CACHD1: variants seen among roughly 807,000 people sequenced by gnomAD.
CACHD1 encodes the protein VWFA and cache domain-containing protein 1.
A neutral mutation model predicts 138.7 loss-of-function variants in CACHD1; 71 were observed. That is an observed-to-expected ratio of 0.51 (90% CI 0.42 to 0.62). The LOEUF (loss-of-function observed/expected upper bound fraction) is 0.62. Ranked by LOEUF, CACHD1 falls within the 20% of genes least tolerant of loss-of-function variation. The probability of loss-of-function intolerance (pLI) is 0.00; values close to 1 mark genes in which losing one functional copy is unlikely to be tolerated. For synonymous variants in CACHD1, 578 were observed against 591.5 expected (o/e 0.98, Z 0.33); for missense variants, 1,389 against 1,625.3 (o/e 0.85, Z 2.50).
intron 4 of CACHD1, among the ~76,000 whole-genome samples, chr1:64,608,390 C>T (rs1392104034): frequency 6.6e-6 from 1 of 152,188 alleles, no homozygotes; most frequent in East Asian, 1.9e-4. Flanking sequence ...TAGGTTATCA[C>T]ATGTCTGATA....
At chr1:64,677,179 C>T (rs1557553026) in intron 22 of CACHD1, among the ~76,000 whole-genome samples, 168 bp downstream of exon 22, 1 of 152,052 alleles carries the variant, frequency 6.6e-6, no homozygotes, top group South Asian at 2.1e-4. Flanking sequence ...CCGTATTTAG[C>T]GTGTGTACCA....
intron 26 of CACHD1, 87 bp from the exon 27 acceptor site, chr1:64,691,236 C>T: frequency 2.5e-6 from 3 of 1,212,730 alleles, no homozygotes; most frequent in Non-Finnish European, 3.6e-6. Context: ...GACAGGAATA[C>T]CTCCCAGTGC....
intron 17 of CACHD1, among the ~76,000 whole-genome samples, chr1:64,671,971 C>G: frequency 6.6e-6 from 1 of 152,146 alleles, no homozygotes; most frequent in East Asian, 1.9e-4. Flanking sequence ...TTAGAGGCTT[C>G]CCATATCTTT....
intron 16 of CACHD1, among the ~76,000 whole-genome samples, chr1:64,667,960 G>T (rs1272597787): frequency 1.3e-5 from 2 of 152,132 alleles, no homozygotes; most frequent in African/African-American, 4.8e-5. Flanking sequence ...ATTTTGATTT[G>T]GTTTGTTTAC....
chr1:64,470,680 G>A lies in CACHD1; in HGVS notation c.-65G>A, dbSNP rs917937161. 1.3e-5 allele frequency: 6 copies of A among 462,248 alleles called. No individual in the cohort carries two copies. The East Asian group carries it at 1.8e-4, about 14-fold the overall frequency. The allele number at this position is 462,248 out of a possible 1,614,324, so 28.6% of individuals were successfully genotyped here. On this transcript the variant is annotated 5_prime_UTR_variant, in exon 1 of 27. Coordinates refer to ENST00000651257, the MANE Select transcript of CACHD1 (RefSeq NM_020925.4). This position sits in a 1 kb window ranked among gnomAD's most constrained non-coding sequence, Gnocchi z 5.2. ...GCGGGGTGCGCCGCGCTTTTGCGGG[G>A]GGCACCTCCCGCGGCCCGCTTCCCC...
At position 64,475,588 on chromosome 1, in the gene CACHD1, C is replaced by T. The variant is rs569044308; in HGVS notation, c.198+4646C>T. ...TTGAGATGGAGTCTTGCTCAGTCAC[C>T]CAGGCTGGAGTGCAGTGGCGTGATC... is the stretch of plus-strand genomic sequence containing the variant. On this transcript the variant is annotated intron_variant, in intron 1 of 26. Coordinates refer to ENST00000651257, the MANE Select transcript of CACHD1 (RefSeq NM_020925.4). 1.8e-4 allele frequency among the ~76,000 whole-genome samples: 28 copies of T among 152,118 alleles called. 1 individual carries two copies. In the South Asian group the frequency reaches 4.0e-3, roughly 22 times the overall value.
At chr1:64,610,688 G>A (rs1442468184) in intron 4 of CACHD1, among the ~76,000 whole-genome samples, 2 of 152,210 alleles carry the variant, frequency 1.3e-5, no homozygotes, top group Admixed American at 6.5e-5. Context: ...CCTATCACGG[G>A]CTAGCCTTGA....
intron 7 of CACHD1, among the ~76,000 whole-genome samples, chr1:64,636,215 CTG>C (rs1459473787): frequency 6.6e-6 from 1 of 151,972 alleles, no homozygotes; most frequent in African/African-American, 2.4e-5. Context: ...TTCATTGTGT[CTG>C]TGTTTAAACT....
chr1:64,520,296 T>C (rs996977300), intron 1 of CACHD1, among the ~76,000 whole-genome samples: 6 of 152,220 alleles, frequency 3.9e-5, no homozygotes, highest in African/African-American at 1.4e-4. Context: ...TTACCAGGGA[T>C]GGCCCATTTC....
Position 64,641,955 on chromosome 1 carries a change from A to G in CACHD1, c.1142A>G (p.Tyr381Cys). Residue 381 changes from tyrosine (Y) to cysteine (C), a missense_variant, in exon 8 of 27, where the codon TAT becomes TGT. By Grantham distance (194) the Tyr-to-Cys change is radical (BLOSUM62 -2). This residue lies in a region of CACHD1 where 1,000 missense variants were observed against 1,114.7 expected (regional missense o/e 0.90). Coordinates refer to ENST00000651257, the MANE Select transcript of CACHD1 (RefSeq NM_020925.4). ...FLNNSVMILT[Y>C]ALMNDGVTGL... ...AACAACTCTGTAATGATTCTCACCT[A>G]TGCCCTCATGAACGGTAGGTAGAGT... 1 of 1,585,664 alleles carries G rather than the reference A, an allele frequency of 6.3e-7. No homozygotes were observed. The highest frequency in any genetic ancestry group is 8.5e-7 in the Non-Finnish European group (1 of 1,170,182).
chr1:64,643,060 A>T (rs1309450467), intron 8 of CACHD1, among the ~76,000 whole-genome samples: 1 of 143,628 alleles, frequency 7.0e-6, no homozygotes, highest in Non-Finnish European at 1.5e-5. Context: ...AAAAAAAAAA[A>T]AAAAAAAAAA....
At chr1:64,516,012 G>A (rs922695001) in intron 1 of CACHD1, among the ~76,000 whole-genome samples, 5 of 152,118 alleles carry the variant, frequency 3.3e-5, no homozygotes, top group Non-Finnish European at 7.4e-5. Flanking sequence ...AGAAGAGATT[G>A]TTAATAGGAT....
chr1:64,594,601 A>ATTT (rs1647135188), intron 3 of CACHD1, among the ~76,000 whole-genome samples: 1 of 152,224 alleles, frequency 6.6e-6, no homozygotes, highest in South Asian at 2.1e-4. Flanking sequence ...GGATCTGCTG[A>ATTT]GAATCTAGCT....
chr1:64,506,043 C>A (rs961546836), intron 1 of CACHD1: 1 of 152,384 alleles, frequency 6.6e-6, no homozygotes, highest in African/African-American at 2.4e-5. Flanking sequence ...ATTTTATTTT[C>A]AACCAAGGTT....
intron 2 of CACHD1, among the ~76,000 whole-genome samples, chr1:64,553,089 A>G (rs1050810048): frequency 6.6e-6 from 1 of 152,224 alleles, no homozygotes. Context: ...CATTTAGCCT[A>G]AATTTTAGTA....
intron 5 of CACHD1, among the ~76,000 whole-genome samples, chr1:64,629,690 T>C (rs149595164): frequency 1.3e-5 from 2 of 152,184 alleles, no homozygotes; most frequent in East Asian, 3.9e-4. Flanking sequence ...TTCCTATAGC[T>C]ATCTAATATG....
intron 6 of CACHD1, 94 bp from the exon 7 acceptor site, chr1:64,633,950 C>A: frequency 2.2e-6 from 2 of 907,128 alleles, no homozygotes; most frequent in Non-Finnish European, 3.4e-6. Flanking sequence ...TGTAGGCCTT[C>A]TTACTCCTTG....
intron 4 of CACHD1, among the ~76,000 whole-genome samples, chr1:64,628,069 A>G (rs1400297280): frequency 6.6e-6 from 1 of 152,202 alleles, no homozygotes; most frequent in Non-Finnish European, 1.5e-5. Context: ...AACACATATC[A>G]TGTATTATTT....
intron 4 of CACHD1, among the ~76,000 whole-genome samples, chr1:64,618,562 A>G (rs746028464): frequency 1.3e-5 from 2 of 152,224 alleles, no homozygotes; most frequent in East Asian, 1.9e-4. Context: ...CATAAAGAGT[A>G]TCCAGTGATC....
Sources: gnomAD v4.1 joint callset for allele counts (sites outside exome capture counted in the v4.1 genomes callset) on GRCh38, gnomAD v4.1.1 for gene constraint, gnomAD v4.1.1 regional missense constraint, Gnocchi (gnomAD v3.1) non-coding constraint, MANE v1.5 for transcripts, NCBI Gene and HGNC (gene_info 2026-07-23, HGNC 2026-07-21) for gene names.